Variants in FN1 observed in about 807,000 individuals in gnomAD.
FN1 encodes fibronectin 1, also known as fibronectin.
A neutral mutation model predicts 297.3 loss-of-function variants in FN1; 106 were observed. The observed-to-expected ratio is 0.36, with a 90% CI of 0.30 to 0.42. The LOEUF (loss-of-function observed/expected upper bound fraction) is 0.42, where lower values mean the gene tolerates loss of function less well. Ranked by LOEUF, FN1 falls within the 10% of genes least tolerant of loss-of-function variation. The pLI is 1.00. For synonymous variants in FN1, 1,149 were observed against 1,152.6 expected (o/e 1.00, Z 0.06); for missense variants, 2,690 against 3,124.9 (o/e 0.86, Z 3.32).
At chr2:215,390,696 G>A (rs1162537334) in intron 26 of FN1, among the ~76,000 whole-genome samples, 1 of 152,158 alleles carries the variant, frequency 6.6e-6, no homozygotes, top group African/African-American at 2.4e-5. Context: ...TAGAACAGAA[G>A]CAACAGCCCT....
chr2:215,371,915 G>A lies in FN1; in HGVS notation c.6708C>T (p.Pro2236=), dbSNP rs1181071332. Reference sequence around the variant, plus strand: ...GAAGAGAACAATTAATTACCTGTAAGGGTTCTTCATCAGTGCCAACAGGAT... The same window carrying A: ...GAAGAGAACAATTAATTACCTGTAAAGGTTCTTCATCAGTGCCAACAGGAT... ...SCHPVGTDEE[P]LQFRVPGTST... is the part of the protein sequence containing the mutation. Residue 2236 remains proline, a synonymous_variant, in exon 40 of 46, where the codon CCC becomes CCT. Transcript: ENST00000354785. 1 of 1,612,232 alleles carries A rather than the reference G, an allele frequency of 6.2e-7. No individual in the cohort carries two copies. Among genetic ancestry groups the A allele is most frequent in the Non-Finnish European group, 8.5e-7 (1 of 1,178,410 alleles).
intron 20 of FN1, among the ~76,000 whole-genome samples, chr2:215,402,035 T>A (rs1484858250): frequency 6.6e-6 from 1 of 152,136 alleles, no homozygotes; most frequent in Admixed American, 6.5e-5. Context: ...TGTGCCAAAA[T>A]GCCATGGCCA....
At position 215,422,065 on chromosome 2, in the gene FN1, A is replaced by G. The variant is rs746643078; in HGVS notation, c.1546+26T>C. ...CTTTCTGTACCTTTTGCCATCTCAA[A>G]TATTTTTGTTAATCAGCCAGCATAC... On this transcript the variant is annotated intron_variant, in intron 10 of 45. Coordinates refer to ENST00000354785, the MANE Select transcript of FN1 (RefSeq NM_212482.4). The G allele has an allele frequency of 1.2e-5, 19 of 1,613,096 alleles. No individual in the cohort carries two copies. The African/African-American group carries it at 2.4e-4, about 20-fold the overall frequency.
At chr2:215,410,240 G>A (rs1231525907) in intron 13 of FN1, 126 bp from the exon 14 acceptor site, 2 of 928,672 alleles carry the variant, frequency 2.2e-6, no homozygotes, top group Admixed American at 2.0e-5. Flanking sequence ...CTCCATTCTA[G>A]AGGAAAATCA....
intron 22 of FN1, 61 bp from the exon 23 acceptor site, chr2:215,397,284 T>C (rs2060409804): frequency 1.7e-6 from 2 of 1,205,852 alleles, no homozygotes; most frequent in East Asian, 2.3e-5. Context: ...CTGTGTAATC[T>C]TTCCTCCTTC....
At chr2:215,387,906 TAGAC>T (rs1274450365) in intron 27 of FN1, among the ~76,000 whole-genome samples, 5 of 152,338 alleles carry the variant, frequency 3.3e-5, no homozygotes, top group Middle Eastern at 3.4e-3. Flanking sequence ...GGTCAGCCAT[TAGAC>T]AGAGCTGCCT....
intron 45 of FN1, 23 bp downstream of exon 45, chr2:215,361,946 A>C: frequency 6.2e-7 from 1 of 1,612,358 alleles, no homozygotes; most frequent in Non-Finnish European, 8.5e-7. Context: ...GAGGGAACAC[A>C]CTTGTGCTGC....
rs1201752363 is a variant in FN1, at chr2:215,387,017, G to C, written c.4343-59C>G. On this transcript the variant is annotated intron_variant, in intron 27 of 45. Coordinates refer to ENST00000354785, the MANE Select transcript of FN1 (RefSeq NM_212482.4). ...AAAAAGAAAAGACACCACCAGTTTA[G>C]GAAGTGAGGAAGGTGTAGGGGAAAT... The C allele has an allele frequency of 2.2e-5, 32 of 1,472,546 alleles. No individual in the cohort carries two copies. The Admixed American group carries it at 5.9e-4, about 27-fold the overall frequency. The allele number at this position is 1,472,546 out of a possible 1,614,324, so 91.2% of individuals were successfully genotyped here.
At chr2:215,418,688 T>C (rs973612221) in intron 12 of FN1, among the ~76,000 whole-genome samples, 3 of 152,148 alleles carry the variant, frequency 2.0e-5, no homozygotes, top group African/African-American at 4.8e-5. Context: ...CAATAAACAT[T>C]TGAGAGTGTT....
chr2:215,381,089 C>A lies in FN1; in HGVS notation c.5165-9G>T. On this transcript the variant is annotated splice_polypyrimidine_tract_variant and intron_variant, in intron 32 of 45. Transcript: ENST00000354785. ...TTTAGGGCGATCAATGTCTGTTAGG[C>A]AAATTAATGGTAAGAGGTTATGTGA... 1 of 1,613,710 alleles carries A rather than the reference C, an allele frequency of 6.2e-7. No homozygotes were observed. Among genetic ancestry groups the A allele is most frequent in the Non-Finnish European group, 8.5e-7 (1 of 1,179,650 alleles).
intron 20 of FN1, among the ~76,000 whole-genome samples, chr2:215,401,074 G>A (rs1385297348): frequency 7.0e-6 from 1 of 141,956 alleles, no homozygotes; most frequent in Non-Finnish European, 1.5e-5. Flanking sequence ...GGAATTACAG[G>A]CATGAGCCAT....
rs1042485594 is a variant in FN1, at chr2:215,428,450, T to C, written c.686-112A>G. The C allele has an allele frequency of 5.4e-6, 5 of 918,148 alleles. No homozygotes were observed. In the African/African-American group the frequency reaches 6.5e-5, roughly 12 times the overall value. The allele number at this position is 918,148 out of a possible 1,614,324, so 56.9% of individuals were successfully genotyped here. ...CTGGTAATCTATTTTTGGTAATATG[T>C]TCATATTCAGCTCTGGTGCTGCAAG... On this transcript the variant is annotated intron_variant, in intron 5 of 45. Coordinates refer to ENST00000354785, the MANE Select transcript of FN1 (RefSeq NM_212482.4).
intron 39 of FN1, among the ~76,000 whole-genome samples, 200 bp downstream of exon 39, chr2:215,373,121 GA>G (rs1269187088): frequency 1.3e-5 from 2 of 151,276 alleles, no homozygotes; most frequent in Non-Finnish European, 2.9e-5. Flanking sequence ...CTGTAGTAAA[GA>G]AAAAAAATAA....
Position 215,408,416 on chromosome 2 carries a change from G to A in FN1, c.2310C>T (p.Ser770=), listed in dbSNP as rs2062089678. The part of the protein sequence containing the change: ...GDEPQYLDLP[S]TATSVNIPDL... The stretch of plus-strand genomic sequence containing the variant: ...CAGGGATGTTCACAGAAGTGGCTGT[G>A]CTTGGAAGATCTTTGAAATGAAAAG... Residue 770 remains serine (S), a synonymous_variant, in exon 16 of 46, where the codon AGC becomes AGT. Coordinates refer to ENST00000354785, the MANE Select transcript of FN1 (RefSeq NM_212482.4). The A allele has an allele frequency of 6.2e-7, 1 of 1,614,122 alleles. No homozygotes were observed. Among genetic ancestry groups the A allele is most frequent in the Non-Finnish European group, 8.5e-7 (1 of 1,180,004 alleles).
chr2:215,385,249 A>T (rs1406840692), intron 28 of FN1, among the ~76,000 whole-genome samples: 1 of 3,994 alleles, frequency 2.5e-4, no homozygotes, highest in African/African-American at 6.7e-4. Context: ...CAGAAAAGTT[A>T]AAAAAAAAAA....
Position 215,422,173 on chromosome 2 carries a change from A to G in FN1, c.1464T>C (p.His488=), listed in dbSNP as rs2064514836. Residue 488 remains histidine (H), a synonymous_variant, in exon 10 of 46, where the codon CAT becomes CAC. Transcript: ENST00000354785. ...YRIGDQWDKQ[H]DMGHMMRCTC... ...TGCACCTCATCATGTGACCCATGTC[A>G]TGCTGCTTATCCCACTGATCTCCAA... 6.2e-7 allele frequency: 1 copy of G among 1,614,132 alleles called. No homozygotes were observed. Among genetic ancestry groups the G allele is most frequent in the Non-Finnish European group, 8.5e-7 (1 of 1,179,962 alleles).
At position 215,386,953 on chromosome 2, in the gene FN1, C is replaced by A; in HGVS notation, c.4348G>T (p.Asp1450Tyr). 2 of 1,610,216 alleles carry A rather than the reference C, an allele frequency of 1.2e-6. No homozygotes were observed. Among genetic ancestry groups the A allele is most frequent in the Non-Finnish European group, 1.7e-6 (2 of 1,178,590 alleles). The change falls in exon 28 of 46, where the codon GAT becomes TAT. Residue 1450 changes from aspartate (D) to tyrosine (Y), a missense_variant. Coordinates refer to ENST00000354785, the MANE Select transcript of FN1 (RefSeq NM_212482.4). ...GAAAAGTCAATGCCAGTTGGGGAAT[C>A]AAGACCTGTTTTTCCCACCCGGGGG... ...PLRGRQKTGL[D>Y]SPTGIDFSDI...
At chr2:215,371,806 C>T in intron 40 of FN1, 103 bp downstream of exon 40, 2 of 1,004,470 alleles carry the variant, frequency 2.0e-6, no homozygotes, top group South Asian at 1.3e-5. Flanking sequence ...AGCCATCACA[C>T]CCGGCCATGA....
rs749061058 is a variant in FN1, at chr2:215,409,578, C to T, written c.2284G>A (p.Glu762Lys). The change falls in exon 15 of 46, where the codon GAG becomes AAG. Residue 762 changes from glutamate (E) to lysine (K), a missense_variant. This residue lies in a region of FN1 where 876 missense variants were observed against 1,058.1 expected (regional missense o/e 0.83). Transcript: ENST00000354785. Reference sequence around the variant, plus strand: ...TTGAGCTTACCCAGGTACTGTGGCTCATCTCCCTCCTCACTCAGCTCATAT... The same window carrying T: ...TTGAGCTTACCCAGGTACTGTGGCTTATCTCCCTCCTCACTCAGCTCATAT... ...VEYELSEEGDEPQYLDLPSTA... is the reference protein window; with the variant it reads ...VEYELSEEGDKPQYLDLPSTA... The T allele has an allele frequency of 2.0e-5, 32 of 1,613,396 alleles. No individual in the cohort carries two copies. Among genetic ancestry groups the T allele is most frequent in the Non-Finnish European group, 2.1e-5 (25 of 1,180,016 alleles).
Sources: allele counts gnomAD v4.1 joint callset (sites outside exome capture counted in the v4.1 genomes callset), GRCh38; gene constraint gnomAD v4.1.1; regional missense constraint gnomAD v4.1.1; transcripts MANE v1.5; gene names NCBI Gene and HGNC (gene_info 2026-07-23, HGNC 2026-07-21).